The following ARHGAP24 variants were observed in gnomAD, a reference collection of about 807,000 sequenced individuals.
ARHGAP24 encodes rho GTPase-activating protein 24.
Under a neutral mutation model 76.4 loss-of-function variants are expected in ARHGAP24, and 50 were observed. The ratio of observed to expected loss-of-function variants is 0.65; its 90% CI spans 0.52 to 0.83. ARHGAP24 has a LOEUF of 0.83. Ranked by LOEUF, ARHGAP24 falls within the 40% of genes least tolerant of loss-of-function variation. ARHGAP24 has a pLI of 0.00. For missense variants in ARHGAP24, 930 were observed against 914.2 expected, an observed-to-expected ratio of 1.02 and a Z score of -0.22; for synonymous variants, 345 against 323.3, an observed-to-expected ratio of 1.07 and a Z score of -0.72.
intron 1 of ARHGAP24, among the ~76,000 whole-genome samples, chr4:85,510,092 G>A (rs1357666833): frequency 6.6e-6 from 1 of 152,214 alleles, no homozygotes. Context: ...AGTATTGCAT[G>A]TGATGTGGCG....
chr4:85,734,643 T>TC (rs1725538430), intron 3 of ARHGAP24, among the ~76,000 whole-genome samples: 2 of 147,088 alleles, frequency 1.4e-5, no homozygotes, highest in South Asian at 4.4e-4. Context: ...GGAATTTTTT[T>TC]TTTTTTTTTT....
chr4:85,996,065 A>G, intron 9 of ARHGAP24, among the ~76,000 whole-genome samples: 1 of 152,180 alleles, frequency 6.6e-6, no homozygotes, highest in East Asian at 1.9e-4. Context: ...TAGGGTAAAA[A>G]AAGTAGAAGT....
At chr4:85,764,015 A>C (rs1362710284) in intron 3 of ARHGAP24, among the ~76,000 whole-genome samples, 1 of 152,140 alleles carries the variant, frequency 6.6e-6, no homozygotes, top group Non-Finnish European at 1.5e-5. Flanking sequence ...TTAATTTTCC[A>C]TCTCTCCCAA....
chr4:85,586,712 A>G (rs904311630), intron 2 of ARHGAP24, among the ~76,000 whole-genome samples: 4 of 152,194 alleles, frequency 2.6e-5, no homozygotes, highest in African/African-American at 9.6e-5. Context: ...AGCCTGGCCA[A>G]TATGGTGAAA....
At chr4:85,642,186 A>G (rs1256837783) in intron 2 of ARHGAP24, among the ~76,000 whole-genome samples, 1 of 152,178 alleles carries the variant, frequency 6.6e-6, no homozygotes, top group East Asian at 1.9e-4. Flanking sequence ...GAAAAAGAGC[A>G]GGTTAAAGGT....
Position 86,002,470 on chromosome 4 carries a change from C to T in ARHGAP24, c.*1748C>T, listed in dbSNP as rs1188232645. 2 of 152,094 alleles carry T rather than the reference C, an allele frequency of 1.3e-5. No individual in the cohort carries two copies. The highest frequency in any genetic ancestry group is 2.9e-5 in the Non-Finnish European group (2 of 68,024). 9.4% of individuals were successfully genotyped at this position (152,094 alleles called of 1,614,324 possible). ...ATAACTCTCCCTTCATATCTTTTCA[C>T]CTATTTCCAGTCCTTATCATAGTTG... On this transcript the variant is annotated 3_prime_UTR_variant, in exon 10 of 10. Coordinates refer to ENST00000395184, the MANE Select transcript of ARHGAP24 (RefSeq NM_001025616.3).
Position 85,894,977 on chromosome 4 carries a change from AAAAAAAAAAAACAAAAC to A in ARHGAP24, c.269-28665_269-28649del, listed in dbSNP as rs1560701580. ...CTCCCTCTCAAAAAAAAAAAAAAAA[AAAAAAAAAAAACAAAAC>A]AAAAAGCAAAAAAAAAAAAAAAAAA... On this transcript the variant is annotated intron_variant, in intron 3 of 9. Coordinates refer to ENST00000395184, the MANE Select transcript of ARHGAP24 (RefSeq NM_001025616.3). Among the ~76,000 whole-genome samples the A allele has an allele frequency of 2.3e-3, 88 of 39,106 alleles. 6 individuals are homozygous for A. The highest frequency in any genetic ancestry group is 0.01 in the African/African-American group (81 of 7,982). 25.7% of individuals were successfully genotyped at this position (39,106 alleles called of 152,430 possible). A position where few individuals can be genotyped will look rare whatever the true frequency, so the allele number is the denominator to read the frequency against.
At chr4:85,858,111 G>A (rs1271874304) in intron 3 of ARHGAP24, among the ~76,000 whole-genome samples, 1 of 152,078 alleles carries the variant, frequency 6.6e-6, no homozygotes, top group Non-Finnish European at 1.5e-5. Flanking sequence ...AAATACAATG[G>A]ACATAGGCCT....
chr4:85,969,195 C>G (rs1003109893), intron 5 of ARHGAP24, among the ~76,000 whole-genome samples: 43 of 152,016 alleles, frequency 2.8e-4, no homozygotes, highest in Non-Finnish European at 1.3e-4. Flanking sequence ...TTCAAAGTTT[C>G]TCAATACCAT....
intron 2 of ARHGAP24, among the ~76,000 whole-genome samples, chr4:85,626,040 T>A (rs552543657): frequency 6.6e-6 from 1 of 152,252 alleles, no homozygotes; most frequent in South Asian, 2.1e-4. Context: ...CCAGTCTGTG[T>A]CTTTTAATTG....
intron 3 of ARHGAP24, among the ~76,000 whole-genome samples, chr4:85,735,096 A>T (rs1232112877): frequency 6.6e-6 from 1 of 151,988 alleles, no homozygotes; most frequent in Non-Finnish European, 1.5e-5. Context: ...TAATCTATTG[A>T]TTGTACTGTT....
chr4:85,715,390 G>C (rs1167485011), intron 2 of ARHGAP24, among the ~76,000 whole-genome samples: 1 of 151,960 alleles, frequency 6.6e-6, no homozygotes, highest in Non-Finnish European at 1.5e-5. Context: ...TAAAGGTCTG[G>C]TATATTAGAT....
chr4:85,704,720 T>A (rs1245138885), intron 2 of ARHGAP24, among the ~76,000 whole-genome samples: 1 of 152,172 alleles, frequency 6.6e-6, no homozygotes, highest in African/African-American at 2.4e-5. Context: ...CAAAGGAAAC[T>A]CCGAGGACAG....
chr4:85,535,969 C>T (rs565010550), intron 1 of ARHGAP24, among the ~76,000 whole-genome samples: 3 of 152,210 alleles, frequency 2.0e-5, no homozygotes, highest in South Asian at 2.1e-4. Flanking sequence ...GCCTGTGTCT[C>T]GTGACGTTTA....
chr4:85,693,378 G>A (rs1723743264), intron 2 of ARHGAP24, among the ~76,000 whole-genome samples: 6 of 152,140 alleles, frequency 3.9e-5, no homozygotes, highest in Admixed American at 2.0e-4. Flanking sequence ...AACTGGCCCC[G>A]TGAAGGAGTC....
chr4:85,954,551 A>G (rs951026387), intron 5 of ARHGAP24, among the ~76,000 whole-genome samples: 12 of 152,386 alleles, frequency 7.9e-5, no homozygotes, highest in African/African-American at 2.4e-4. Flanking sequence ...TACTTGTTTT[A>G]CAAATGAAGA....
intron 3 of ARHGAP24, among the ~76,000 whole-genome samples, chr4:85,731,474 C>CA (rs1490567825): frequency 2.0e-5 from 3 of 152,300 alleles, no homozygotes; most frequent in South Asian, 2.1e-4. Context: ...AACAAGACTG[C>CA]AGTTTTATCA....
intron 5 of ARHGAP24, among the ~76,000 whole-genome samples, chr4:85,964,511 C>T (rs1169176445): frequency 6.6e-6 from 1 of 151,878 alleles, no homozygotes; most frequent in Non-Finnish European, 1.5e-5. Flanking sequence ...GAAAACAACA[C>T]CACTTAGAGG....
At chr4:85,850,214 A>G (rs1731142422) in intron 3 of ARHGAP24, among the ~76,000 whole-genome samples, 1 of 152,134 alleles carries the variant, frequency 6.6e-6, no homozygotes. Context: ...CATTTCTTCT[A>G]GATTTTCTAG....
Sources: allele counts gnomAD v4.1 joint callset (sites outside exome capture counted in the v4.1 genomes callset), GRCh38; gene constraint gnomAD v4.1.1; transcripts MANE v1.5; gene names NCBI Gene and HGNC (gene_info 2026-07-23, HGNC 2026-07-21).